MSRA: variants seen among roughly 807,000 people sequenced by gnomAD.
The protein encoded by MSRA is methionine sulfoxide reductase A.
In MSRA, 54 loss-of-function variants were observed where a neutral mutation model predicts 31.3. That is an observed-to-expected ratio of 1.73 (90% CI 1.39 to 2.17). MSRA has a LOEUF of 2.17. Ranked by LOEUF, MSRA falls within the 30% of genes most tolerant of loss-of-function variation. The pLI is 0.00. For missense variants in MSRA, 507 were observed against 300.9 expected, an observed-to-expected ratio of 1.69 and a Z score of -5.07; for synonymous variants, 169 against 116.5, an observed-to-expected ratio of 1.45 and a Z score of -2.90.
At chr8:10,133,368 C>T (rs1316380811) in intron 1 of MSRA, among the ~76,000 whole-genome samples, 5 of 152,176 alleles carry the variant, frequency 3.3e-5, no homozygotes, top group African/African-American at 1.2e-4. Flanking sequence ...CTGGACTCCT[C>T]CGTCAGGAAG....
chr8:10,184,785 A>G (rs1413530236), intron 1 of MSRA, among the ~76,000 whole-genome samples: 3 of 152,196 alleles, frequency 2.0e-5, no homozygotes, highest in Non-Finnish European at 4.4e-5. Flanking sequence ...CAAAGGACAC[A>G]CAGTCGTATA....
At chr8:10,300,407 C>T (rs1800779228) in intron 3 of MSRA, among the ~76,000 whole-genome samples, 1 of 152,100 alleles carries the variant, frequency 6.6e-6, no homozygotes, top group African/African-American at 2.4e-5. Flanking sequence ...AGACACCCAC[C>T]ACCACGCCTG....
intron 4 of MSRA, among the ~76,000 whole-genome samples, chr8:10,305,453 G>A (rs1264281972): frequency 7.6e-6 from 1 of 132,210 alleles, no homozygotes; most frequent in African/African-American, 2.9e-5. Context: ...TTGCTCTGTT[G>A]CCTAGGCTGG....
In MSRA at chr8:10,202,079, T is replaced by G. The variant is rs1808552248; in HGVS notation, c.143-5754T>G. Among the ~76,000 whole-genome samples the G allele has an allele frequency of 3.9e-5, 6 of 152,384 alleles. No homozygotes were observed. The South Asian group carries it at 1.2e-3, about 32-fold the overall frequency. On this transcript the variant is annotated intron_variant, in intron 1 of 5. Coordinates refer to ENST00000317173, the MANE Select transcript of MSRA (RefSeq NM_012331.5). The stretch of plus-strand genomic sequence containing the variant: ...GCTCAATTAATGAATGGCTTTTCTG[T>G]TTAATAAATTTGTTTCTGTGGTGAA...
chr8:10,093,622 A>T (rs544505882), intron 1 of MSRA, among the ~76,000 whole-genome samples: 2 of 152,220 alleles, frequency 1.3e-5, no homozygotes, highest in Non-Finnish European at 2.9e-5. Context: ...ATGCTTAAGG[A>T]TATTTAAAAA....
intron 5 of MSRA, among the ~76,000 whole-genome samples, chr8:10,323,952 A>G (rs1246890819): frequency 2.0e-5 from 3 of 152,224 alleles, no homozygotes; most frequent in African/African-American, 7.2e-5. Context: ...AAATGCTGTC[A>G]TATCTCTTTT....
intron 1 of MSRA, among the ~76,000 whole-genome samples, chr8:10,081,463 C>G (rs1320618405): frequency 6.6e-6 from 1 of 152,156 alleles, no homozygotes; most frequent in African/African-American, 2.4e-5. Flanking sequence ...TCTCCAGATG[C>G]TACCTCTTTT....
chr8:10,131,298 C>A (rs985429926), intron 1 of MSRA, among the ~76,000 whole-genome samples: 4 of 152,036 alleles, frequency 2.6e-5, no homozygotes, highest in Admixed American at 1.3e-4. Context: ...GGAAATTTCG[C>A]CACAGAAGAA....
chr8:10,369,391 C>G (rs112407424), intron 5 of MSRA, among the ~76,000 whole-genome samples: 7 of 152,176 alleles, frequency 4.6e-5, no homozygotes, highest in African/African-American at 1.4e-4. Flanking sequence ...TAATTGCAGA[C>G]AAAGTACCCA....
intron 3 of MSRA, among the ~76,000 whole-genome samples, chr8:10,258,716 C>G (rs2975690): frequency 6.6e-6 from 1 of 152,236 alleles, no homozygotes; most frequent in Non-Finnish European, 1.5e-5. Context: ...CGTGGCAACT[C>G]TTCCCTGATG....
chr8:10,165,355 C>A (rs529668150), intron 1 of MSRA, among the ~76,000 whole-genome samples: 1 of 149,914 alleles, frequency 6.7e-6, no homozygotes, highest in South Asian at 2.2e-4. Flanking sequence ...AAAAAACAAA[C>A]AAACAAACAA....
intron 1 of MSRA, among the ~76,000 whole-genome samples, chr8:10,163,026 G>C (rs986531794): frequency 1.3e-5 from 2 of 152,062 alleles, no homozygotes; most frequent in African/African-American, 4.8e-5. Flanking sequence ...GATTTGTTAC[G>C]AGAGTGCGAC....
rs148241698 is a variant in MSRA at position 10,153,475 on chromosome 8, A to G, written c.143-54358A>G. Among the ~76,000 whole-genome samples, 453 of 151,976 alleles carry G rather than the reference A, an allele frequency of 3.0e-3. 2 individuals are homozygous for G. Among genetic ancestry groups the G allele is most frequent in the Non-Finnish European group, 4.8e-3 (325 of 68,016 alleles). ...TGGTTGTCTTTATCCTCGGAGGAGA[A>G]TGCTCACACCAGCGTCTTTCTTCAG... On this transcript the variant is annotated intron_variant, in intron 1 of 5. Coordinates refer to ENST00000317173, the MANE Select transcript of MSRA (RefSeq NM_012331.5).
chr8:10,352,142 C>T (rs1241439874), intron 5 of MSRA, among the ~76,000 whole-genome samples: 2 of 152,134 alleles, frequency 1.3e-5, no homozygotes, highest in Non-Finnish European at 2.9e-5. Flanking sequence ...TGTGCTGGTG[C>T]CGATGAGCAG....
At chr8:10,244,743 A>G (rs985247509) in intron 2 of MSRA, among the ~76,000 whole-genome samples, 3 of 152,168 alleles carry the variant, frequency 2.0e-5, no homozygotes, top group Non-Finnish European at 4.4e-5. Context: ...CAGGGAGTGG[A>G]TCATTCAGTA....
At chr8:10,094,036 T>C (rs1401397171) in intron 1 of MSRA, among the ~76,000 whole-genome samples, 1 of 152,242 alleles carries the variant, frequency 6.6e-6, no homozygotes, top group Non-Finnish European at 1.5e-5. Flanking sequence ...GCTTTCAAGA[T>C]TCTCTTTAGT....
chr8:10,066,121 C>G (rs1489982762), intron 1 of MSRA, among the ~76,000 whole-genome samples: 2 of 152,124 alleles, frequency 1.3e-5, no homozygotes, highest in Non-Finnish European at 2.9e-5. Flanking sequence ...CTCCCGGATT[C>G]AAGCGATTCT....
intron 5 of MSRA, among the ~76,000 whole-genome samples, chr8:10,352,006 C>T (rs1343558784): frequency 6.6e-6 from 1 of 152,178 alleles, no homozygotes; most frequent in African/African-American, 2.4e-5. Context: ...CTTTAATGTT[C>T]CTTAGTCGAA....
chr8:10,360,466 C>T (rs1477840068), intron 5 of MSRA, among the ~76,000 whole-genome samples: 2 of 152,118 alleles, frequency 1.3e-5, no homozygotes, highest in Non-Finnish European at 2.9e-5. Flanking sequence ...TTTAGTGCAT[C>T]TGTGTGATTT....
Sources: allele counts gnomAD v4.1 joint callset (sites outside exome capture counted in the v4.1 genomes callset), GRCh38; gene constraint gnomAD v4.1.1; transcripts MANE v1.5; gene names NCBI Gene and HGNC (gene_info 2026-07-23, HGNC 2026-07-21).